Variants in TBC1D5 observed in about 807,000 individuals in gnomAD.
TBC1D5 encodes TBC1 domain family, member 5.
Under a neutral mutation model 100.3 loss-of-function variants are expected in TBC1D5, and 75 were observed. The ratio of observed to expected loss-of-function variants is 0.75; its 90% CI spans 0.62 to 0.91. TBC1D5 has a LOEUF of 0.91. Among genes scored for constraint, TBC1D5 ranks in the 40% least tolerant of loss-of-function variants. The probability of loss-of-function intolerance (pLI) is 0.00; values close to 1 mark genes in which losing one functional copy is unlikely to be tolerated. For synonymous variants in TBC1D5, 323 were observed against 325.6 expected (o/e 0.99, Z 0.09); for missense variants, 910 against 942.4 (o/e 0.97, Z 0.45).
At chr3:17,403,269 T>C (rs763795897) in intron 7 of TBC1D5, 21 bp from the exon 8 acceptor site, 1 of 1,531,722 alleles carries the variant, frequency 6.5e-7, no homozygotes, top group Non-Finnish European at 8.9e-7. Flanking sequence ...GAAAACAATC[T>C]ATTATATAGT....
At chr3:17,217,573 G>GT (rs1364449337) in intron 17 of TBC1D5, among the ~76,000 whole-genome samples, 1 of 152,060 alleles carries the variant, frequency 6.6e-6, no homozygotes, top group Non-Finnish European at 1.5e-5. Flanking sequence ...ATCCTAGTGG[G>GT]TGTGAGATGG....
chr3:17,230,588 T>G (rs765384770), intron 17 of TBC1D5, among the ~76,000 whole-genome samples: 19 of 151,680 alleles, frequency 1.3e-4, no homozygotes, highest in Non-Finnish European at 2.4e-4. Flanking sequence ...GGACAGGAAG[T>G]TTTTTTTTAA....
chr3:17,447,077 T>G (rs1034527468), intron 3 of TBC1D5, among the ~76,000 whole-genome samples: 2 of 152,086 alleles, frequency 1.3e-5, no homozygotes, highest in South Asian at 4.1e-4. Flanking sequence ...AGTCAAGAAT[T>G]TAGGATGTTA....
At chr3:17,719,661 A>T (rs977551084) in intron 1 of TBC1D5, among the ~76,000 whole-genome samples, 12 of 152,210 alleles carry the variant, frequency 7.9e-5, no homozygotes, top group Non-Finnish European at 1.5e-4. Flanking sequence ...TAAGTTTGAC[A>T]TAATAAAATC....
chr3:17,250,968 A>C (rs1027808157), intron 16 of TBC1D5, among the ~76,000 whole-genome samples: 4 of 152,244 alleles, frequency 2.6e-5, no homozygotes, highest in Admixed American at 2.6e-4. Flanking sequence ...AAAAGAAATG[A>C]AAATTGAAGC....
At chr3:17,446,750 T>C (rs1005505705) in intron 3 of TBC1D5, among the ~76,000 whole-genome samples, 4 of 152,094 alleles carry the variant, frequency 2.6e-5, no homozygotes, top group Non-Finnish European at 4.4e-5. Flanking sequence ...GGCGGGTGGA[T>C]CACGACGTCA....
At chr3:17,461,750 T>C (rs1321572079) in intron 3 of TBC1D5, among the ~76,000 whole-genome samples, 1 of 152,152 alleles carries the variant, frequency 6.6e-6, no homozygotes, top group African/African-American at 2.4e-5. Context: ...TGGTCTCCCA[T>C]CTTCTCTAAC....
chr3:17,643,670 T>C (rs577044019), intron 1 of TBC1D5, among the ~76,000 whole-genome samples: 1 of 152,252 alleles, frequency 6.6e-6, no homozygotes, highest in East Asian at 1.9e-4. Flanking sequence ...ATAAATGTAG[T>C]GGACAACAGT....
At chr3:17,315,760 G>T (rs147608778) in intron 13 of TBC1D5, among the ~76,000 whole-genome samples, 168 of 152,284 alleles carry the variant, frequency 1.1e-3, no homozygotes, top group African/African-American at 3.9e-3. Context: ...TTCAGAGTTT[G>T]TAATAGCAAG....
chr3:17,576,248 G>T (rs146354085), intron 2 of TBC1D5, among the ~76,000 whole-genome samples: 76 of 152,116 alleles, frequency 5.0e-4, no homozygotes, highest in African/African-American at 1.4e-3. Context: ...AAATGATGGG[G>T]GTTGAGAGGT....
intron 13 of TBC1D5, among the ~76,000 whole-genome samples, chr3:17,315,660 T>C (rs2084606155): frequency 6.6e-6 from 1 of 152,166 alleles, no homozygotes; most frequent in African/African-American, 2.4e-5. Flanking sequence ...AGATTTCAGG[T>C]TAAGGGAGTT....
chr3:17,705,102 G>A (rs1391783884), intron 1 of TBC1D5, among the ~76,000 whole-genome samples: 14 of 121,008 alleles, frequency 1.2e-4, no homozygotes, highest in African/African-American at 4.0e-4. Flanking sequence ...GCGGGGGGCT[G>A]ACCCCCCACC....
chr3:17,314,785 T>A (rs1224535425), intron 13 of TBC1D5, among the ~76,000 whole-genome samples: 1 of 152,182 alleles, frequency 6.6e-6, no homozygotes, highest in Non-Finnish European at 1.5e-5. Context: ...AAATCTACCA[T>A]GCATTCATGT....
chr3:17,225,456 A>AC (rs2074778327), intron 17 of TBC1D5, among the ~76,000 whole-genome samples: 1 of 150,694 alleles, frequency 6.6e-6, no homozygotes, highest in South Asian at 2.1e-4. Context: ...AAAAAAAAAA[A>AC]CAAAAAACAA....
At chr3:17,573,805 A>C (rs2096641348) in intron 2 of TBC1D5, among the ~76,000 whole-genome samples, 1 of 152,024 alleles carries the variant, frequency 6.6e-6, no homozygotes. Flanking sequence ...CCTTCTTCTG[A>C]GGTACACTGT....
intron 13 of TBC1D5, among the ~76,000 whole-genome samples, chr3:17,322,979 C>G (rs77547417): frequency 2.8e-4 from 42 of 152,270 alleles, no homozygotes; most frequent in African/African-American, 9.9e-4. Flanking sequence ...TACATTAGAA[C>G]TGCACTTTTA....
At chr3:17,333,639 C>T (rs1393887246) in intron 13 of TBC1D5, among the ~76,000 whole-genome samples, 1 of 152,048 alleles carries the variant, frequency 6.6e-6, no homozygotes, top group African/African-American at 2.4e-5. Flanking sequence ...ATGCAGGAAG[C>T]TGTAAGGTCT....
intron 3 of TBC1D5, among the ~76,000 whole-genome samples, chr3:17,497,322 C>T (rs1420711073): frequency 6.6e-6 from 1 of 152,182 alleles, no homozygotes; most frequent in African/African-American, 2.4e-5. Context: ...TCTGTACTTA[C>T]TTCTCAATGT....
At chr3:17,735,934 G>T (rs749516757) in intron 1 of TBC1D5, among the ~76,000 whole-genome samples, 1 of 152,184 alleles carries the variant, frequency 6.6e-6, no homozygotes, top group Non-Finnish European at 1.5e-5. Context: ...CAAGGGAGGG[G>T]ACCCAAAGGG....
Sources: allele counts gnomAD v4.1 joint callset (sites outside exome capture counted in the v4.1 genomes callset), GRCh38; gene constraint gnomAD v4.1.1; transcripts MANE v1.5; gene names NCBI Gene and HGNC (gene_info 2026-07-23, HGNC 2026-07-21).